The following SHC3 variants were observed in gnomAD, a reference collection of about 807,000 sequenced individuals.
The protein encoded by SHC3 is SHC-transforming protein 3.
SHC3 carries 15 observed loss-of-function variants against 60.4 expected under a neutral mutation model. The observed-to-expected ratio is 0.25, with a 90% CI of 0.17 to 0.38. SHC3 has a LOEUF of 0.38. Ranked by LOEUF, SHC3 falls within the 10% of genes least tolerant of loss-of-function variation. The probability of loss-of-function intolerance (pLI) is 1.00; values close to 1 mark genes in which losing one functional copy is unlikely to be tolerated. For synonymous variants in SHC3, 294 were observed against 325.9 expected (o/e 0.90, Z 1.05); for missense variants, 677 against 786.1 (o/e 0.86, Z 1.66).
At chr9:89,096,162 C>T (rs1294679048) in intron 2 of SHC3, among the ~76,000 whole-genome samples, 1 of 152,196 alleles carries the variant, frequency 6.6e-6, no homozygotes, top group Non-Finnish European at 1.5e-5. Flanking sequence ...ATGAGAGAGG[C>T]TTGTTCAGAT....
chr9:89,139,508 T>G (rs1000959979), intron 1 of SHC3, among the ~76,000 whole-genome samples: 1 of 152,216 alleles, frequency 6.6e-6, no homozygotes, highest in Non-Finnish European at 1.5e-5. Context: ...AAGACTTTTA[T>G]AAAGCTGAGC....
intron 1 of SHC3, among the ~76,000 whole-genome samples, chr9:89,171,769 T>C (rs1311172419): frequency 6.6e-6 from 1 of 152,194 alleles, no homozygotes; most frequent in African/African-American, 2.4e-5. Context: ...TTTCTGCAGC[T>C]TCTTCCAGCA....
chr9:89,114,154 C>A (rs1825989501), intron 1 of SHC3, among the ~76,000 whole-genome samples: 1 of 152,128 alleles, frequency 6.6e-6, no homozygotes, highest in Admixed American at 6.6e-5. Flanking sequence ...AATACCACCA[C>A]CACCATGCTG....
Position 89,178,146 on chromosome 9 carries a change from C to A in SHC3, c.315G>T (p.Leu105=). The A allele has an allele frequency of 8.3e-7, 1 of 1,201,436 alleles. No individual in the cohort carries two copies. The highest frequency in any genetic ancestry group is 4.1e-5 in the South Asian group (1 of 24,594). 74.4% of individuals were successfully genotyped at this position (1,201,436 alleles called of 1,614,324 possible). ...RLSGSCSAPS[L]AAPDGSAPSA... is the part of the protein sequence containing the mutation. ...AGGGCGCACTGCCGTCCGGGGCGGCCAGGCTGGGCGCGCTGCAGCTGCCCG... is the reference window on the plus strand; with the variant it reads ...AGGGCGCACTGCCGTCCGGGGCGGCAAGGCTGGGCGCGCTGCAGCTGCCCG... Residue 105 remains leucine, a synonymous_variant, in exon 1 of 12, where the codon CTG becomes CTT. Transcript: ENST00000375835. This position sits in a 1 kb window ranked among gnomAD's most constrained non-coding sequence, Gnocchi z 6.9.
chr9:89,122,389 C>T (rs931300441), intron 1 of SHC3, among the ~76,000 whole-genome samples: 2 of 152,202 alleles, frequency 1.3e-5, no homozygotes, highest in Admixed American at 1.3e-4. Flanking sequence ...AAATTGTCGT[C>T]ATTGCCATAT....
chr9:89,118,875 G>A (rs533742189), intron 1 of SHC3, among the ~76,000 whole-genome samples: 1 of 152,270 alleles, frequency 6.6e-6, no homozygotes, highest in East Asian at 1.9e-4. Flanking sequence ...ACAAAGAAGA[G>A]GAGGATGTGG....
chr9:89,059,304 ACGG>A (rs1444407825), intron 6 of SHC3, among the ~76,000 whole-genome samples: 5 of 103,444 alleles, frequency 4.8e-5, no homozygotes, highest in Non-Finnish European at 7.7e-5. Flanking sequence ...ATGGTGGAGG[ACGG>A]TGGTGGAGGA....
intron 11 of SHC3, among the ~76,000 whole-genome samples, chr9:89,022,085 G>A (rs1826211132): frequency 6.6e-6 from 1 of 152,146 alleles, no homozygotes; most frequent in Admixed American, 6.5e-5. Context: ...CCAGCAAACA[G>A]AACTGAGGCC....
intron 7 of SHC3, among the ~76,000 whole-genome samples, chr9:89,050,124 T>G (rs1587695667): frequency 6.6e-6 from 1 of 152,274 alleles, no homozygotes; most frequent in East Asian, 1.9e-4. Flanking sequence ...AGATGTTGTC[T>G]ATACAGTTCT....
At chr9:89,020,090 G>T (rs1274566346) in intron 11 of SHC3, among the ~76,000 whole-genome samples, 1 of 152,170 alleles carries the variant, frequency 6.6e-6, no homozygotes, top group East Asian at 1.9e-4. Context: ...TTTTTAGGTA[G>T]AGATCCCCAA....
chr9:89,066,748 C>T (rs1564115813), intron 5 of SHC3, among the ~76,000 whole-genome samples: 1 of 152,194 alleles, frequency 6.6e-6, no homozygotes, highest in Non-Finnish European at 1.5e-5. Flanking sequence ...ACCTAAAAGG[C>T]TCTGTCGTGA....
intron 7 of SHC3, among the ~76,000 whole-genome samples, chr9:89,049,079 G>A (rs919180356): frequency 2.0e-5 from 3 of 152,134 alleles, no homozygotes; most frequent in Non-Finnish European, 4.4e-5. Flanking sequence ...GGCTAACACG[G>A]TGAAATCCCA....
intron 1 of SHC3, among the ~76,000 whole-genome samples, chr9:89,155,669 C>A (rs778380641): frequency 5.3e-5 from 8 of 152,190 alleles, no homozygotes; most frequent in Non-Finnish European, 1.2e-4. Context: ...AGCCCCTGAA[C>A]ATGGAGTTGG....
At chr9:89,014,297 T>G (rs1178975250) in intron 11 of SHC3, among the ~76,000 whole-genome samples, 1 of 152,158 alleles carries the variant, frequency 6.6e-6, no homozygotes, top group African/African-American at 2.4e-5. Flanking sequence ...CTGTGGTCCC[T>G]GGGGTCCATC....
chr9:89,169,258 C>A (rs1418514530), intron 1 of SHC3, among the ~76,000 whole-genome samples: 1 of 152,158 alleles, frequency 6.6e-6, no homozygotes, highest in Non-Finnish European at 1.5e-5. Context: ...CACCTCCCCA[C>A]CTGAGGACTA....
At chr9:89,052,342 C>T (rs915149289) in intron 6 of SHC3, among the ~76,000 whole-genome samples, 179 bp from the exon 7 acceptor site, 2 of 152,244 alleles carry the variant, frequency 1.3e-5, no homozygotes, top group African/African-American at 4.8e-5. Context: ...GCTATAACAT[C>T]TCACAATAGG....
intron 1 of SHC3, among the ~76,000 whole-genome samples, chr9:89,120,542 A>G (rs1335655092): frequency 6.6e-6 from 1 of 152,230 alleles, no homozygotes; most frequent in Non-Finnish European, 1.5e-5. Flanking sequence ...TTTGGTGAGA[A>G]CACAGGAAAA....
intron 2 of SHC3, among the ~76,000 whole-genome samples, chr9:89,098,443 C>T (rs1825736285): frequency 6.6e-6 from 1 of 152,140 alleles, no homozygotes; most frequent in Non-Finnish European, 1.5e-5. Context: ...ATAACATTGT[C>T]CTCAGGAAAT....
At chr9:89,149,332 T>C (rs1408023041) in intron 1 of SHC3, among the ~76,000 whole-genome samples, 2 of 152,234 alleles carry the variant, frequency 1.3e-5, no homozygotes, top group Non-Finnish European at 2.9e-5. Flanking sequence ...CTGAATATTA[T>C]AATTTTTACA....
Sources: allele counts gnomAD v4.1 joint callset (sites outside exome capture counted in the v4.1 genomes callset), GRCh38; gene constraint gnomAD v4.1.1; non-coding constraint Gnocchi (gnomAD v3.1); transcripts MANE v1.5; gene names NCBI Gene and HGNC (gene_info 2026-07-23, HGNC 2026-07-21).